The following TUBGCP2 variants were observed in gnomAD, a reference collection of about 807,000 sequenced individuals.
TUBGCP2 encodes tubulin gamma complex component 2.
A neutral mutation model predicts 92.2 loss-of-function variants in TUBGCP2; 55 were observed. The observed-to-expected ratio is 0.60, with a 90% confidence interval of 0.48 to 0.75. The LOEUF is 0.75. Ranked by LOEUF, TUBGCP2 falls within the 30% of genes least tolerant of loss-of-function variation. TUBGCP2 has a pLI of 0.00. For synonymous variants in TUBGCP2, 533 were observed against 505.2 expected, an observed-to-expected ratio of 1.06 and a Z score of -0.74; for missense variants, 1,093 against 1,188.9, an observed-to-expected ratio of 0.92 and a Z score of 1.19.
upstream of TUBGCP2, chr10:133,311,734 C>T: frequency 6.2e-7 from 1 of 1,613,518 alleles, no homozygotes. Flanking sequence ...CAGCAGAAGC[C>T]CCAGGGGACA....
upstream of TUBGCP2, among the ~76,000 whole-genome samples, chr10:133,311,189 G>A (rs1847981702): frequency 6.6e-6 from 1 of 152,134 alleles, no homozygotes; most frequent in South Asian, 2.1e-4. Flanking sequence ...ATTGATCAGA[G>A]TTTTTCAGAC....
chr10:133,279,830 G>C lies in TUBGCP2; in HGVS notation c.2645C>G (p.Pro882Arg), dbSNP rs1325595983. ...LSAERSQKATPQVPVLRGPPA... is the reference protein window; with the variant it reads ...LSAERSQKATRQVPVLRGPPA... ...GGGCCCCCGCAGGACAGGCACTTGG[G>C]GGGTGGCCTTCTGGCTCCTCTCTGC... Residue 882 changes from proline (P) to arginine (R), a missense_variant, in exon 18 of 18, where the codon CCC becomes CGC. By Grantham distance (103) the Pro-to-Arg change is moderately radical. Coordinates refer to ENST00000252936, the MANE Select transcript of TUBGCP2 (RefSeq NM_006659.4). 3.1e-6 allele frequency: 5 copies of C among 1,595,694 alleles called. No individual in the cohort carries two copies. The African/African-American group carries it at 4.0e-5, about 13-fold the overall frequency.
At chr10:133,303,043 A>T in intron 1 of TUBGCP2, 63 bp from the exon 2 acceptor site, 1 of 1,462,234 alleles carries the variant, frequency 6.8e-7, no homozygotes, top group Non-Finnish European at 9.4e-7. Flanking sequence ...CATTTTTTTA[A>T]ACACTCAAGA....
intron 1 of TUBGCP2, among the ~76,000 whole-genome samples, chr10:133,306,563 G>A (rs952465656): frequency 4.6e-5 from 7 of 152,122 alleles, no homozygotes; most frequent in Admixed American, 2.0e-4. Context: ...CAAGGTGGGC[G>A]GATCATGAGG....
At chr10:133,292,766 T>C (rs1160198269) in intron 7 of TUBGCP2, 78 bp from the exon 8 acceptor site, 4 of 1,489,046 alleles carry the variant, frequency 2.7e-6, no homozygotes, top group Non-Finnish European at 3.6e-6. Context: ...CTGGGGCCCC[T>C]CATGCTTCTC....
At chr10:133,308,465 G>A (rs576129586) in intron 1 of TUBGCP2, 3 of 152,936 alleles carry the variant, frequency 2.0e-5, no homozygotes, top group South Asian at 2.1e-4. Flanking sequence ...TGGTTTAGAG[G>A]GAACAAGATC....
chr10:133,309,159 G>A, upstream of TUBGCP2: 1 of 1,374,552 alleles, frequency 7.3e-7, no homozygotes, highest in Non-Finnish European at 9.4e-7. Flanking sequence ...GCGGCGAGGC[G>A]GGGCCGGAGC....
chr10:133,302,769 G>C (rs760636376), intron 2 of TUBGCP2, 23 bp downstream of exon 2: 6 of 1,611,678 alleles, frequency 3.7e-6, no homozygotes, highest in Admixed American at 1.7e-5. Context: ...CCTGCACAGC[G>C]CTACACCAAG....
chr10:133,298,182 C>T (rs903436806), intron 4 of TUBGCP2, 71 bp from the exon 5 acceptor site: 4 of 1,507,400 alleles, frequency 2.7e-6, no homozygotes, highest in African/African-American at 1.4e-5. Context: ...TAAAGACATG[C>T]ATAGAAGCTA....
Position 133,304,268 on chromosome 10 carries a change from C to T in TUBGCP2, c.-39-1288G>A, listed in dbSNP as rs140632589. On this transcript the variant is annotated intron_variant, in intron 1 of 17. Coordinates refer to ENST00000252936, the MANE Select transcript of TUBGCP2 (RefSeq NM_006659.4). ...ATCGCTTGAGCCACTCCAGCCTGGG[C>T]GACAGAGGGAGACCCTGTCTCAACA... 3.4e-3 allele frequency among the ~76,000 whole-genome samples: 519 copies of T among 152,142 alleles called. 3 individuals are homozygous for T. Among genetic ancestry groups the T allele is most frequent in the African/African-American group, 0.012 (491 of 41,508 alleles).
intron 2 of TUBGCP2, 129 bp from the exon 3 acceptor site, chr10:133,300,242 G>T: frequency 9.0e-7 from 1 of 1,115,072 alleles, no homozygotes; most frequent in Non-Finnish European, 1.3e-6. Context: ...TTATCCCTCT[G>T]AAATAAACTA....
chr10:133,282,762 C>T (rs1318755950), intron 15 of TUBGCP2, among the ~76,000 whole-genome samples: 3 of 152,160 alleles, frequency 2.0e-5, no homozygotes, highest in East Asian at 3.8e-4. Context: ...AGGTCCTTAA[C>T]GGAATCAAAT....
rs761048170 is a variant in TUBGCP2, at chr10:133,288,205, G to A, written c.1646C>T (p.Pro549Leu). 2 of 1,613,908 alleles carry A rather than the reference G, an allele frequency of 1.2e-6. No homozygotes were observed. The highest frequency in any genetic ancestry group is 1.7e-6 in the Non-Finnish European group (2 of 1,179,956). Residue 549 changes from proline (P) to leucine (L), a missense_variant, in exon 11 of 18, where the codon CCT becomes CTT. Pro to Leu is a moderately conservative substitution (Grantham distance 98). Around this residue, in one of 3 missense-constraint regions of TUBGCP2, gnomAD observed 598 missense variants for 675.5 expected, o/e 0.89. Coordinates refer to ENST00000252936, the MANE Select transcript of TUBGCP2 (RefSeq NM_006659.4). Reference protein sequence around the residue: ...LRKPVEDITPPRLEALLELAL... With the variant: ...LRKPVEDITPLRLEALLELAL... Reference sequence around the variant, plus strand: ...CAGCTCCAGGAGCGCTTCCAGGCGAGGGGGCGTGATGTCCTCCACCGGCTT... The same window carrying A: ...CAGCTCCAGGAGCGCTTCCAGGCGAAGGGGCGTGATGTCCTCCACCGGCTT...
intron 6 of TUBGCP2, 102 bp from the exon 7 acceptor site, chr10:133,293,340 T>C (rs1212015329): frequency 5.7e-6 from 8 of 1,399,292 alleles, no homozygotes; most frequent in East Asian, 2.3e-5. Flanking sequence ...AATGACTCAC[T>C]TGAACCCCAC....
In TUBGCP2 at chr10:133,285,192, C is replaced by T. The variant is rs1314316768; in HGVS notation, c.1917G>A (p.Gln639=). ...AGTAGAACATGTGCCTGAAGAGCATCTGGTAGCGAGTGAGGGCTTTCCTGC... is the reference window on the plus strand; with the variant it reads ...AGTAGAACATGTGCCTGAAGAGCATTTGGTAGCGAGTGAGGGCTTTCCTGC... ...IINRKALTRY[Q]MLFRHMFYCK... is the part of the protein sequence containing the mutation. Residue 639 remains glutamine (Q), a synonymous_variant, in exon 13 of 18, where the codon CAG becomes CAA. Transcript: ENST00000252936. The surrounding 1 kb of genome is among the most constrained non-coding windows in gnomAD (Gnocchi z 6.8). The T allele has an allele frequency of 6.2e-6, 10 of 1,612,962 alleles. No homozygotes were observed. The highest frequency in any genetic ancestry group is 1.3e-5 in the African/African-American group (1 of 74,946).
At chr10:133,300,136 A>C in intron 2 of TUBGCP2, 23 bp from the exon 3 acceptor site, 1 of 1,605,186 alleles carries the variant, frequency 6.2e-7, no homozygotes, top group Non-Finnish European at 8.5e-7. Flanking sequence ...AACATGAGTG[A>C]TTTAATGACG....
At chr10:133,286,730 C>A (rs1847143124) in intron 11 of TUBGCP2, among the ~76,000 whole-genome samples, 1 of 151,906 alleles carries the variant, frequency 6.6e-6, no homozygotes, top group South Asian at 2.1e-4. Context: ...TAGAAACAAG[C>A]AACAGAAGGA....
chr10:133,285,303 C>T lies in TUBGCP2; in HGVS notation c.1896-90G>A, dbSNP rs763800109. Reference sequence around the variant, plus strand: ...CTGTACTCCACAGTCCGCACCGTGGCCCCCGGACAGCCCGTGAATCTCTCG... The same window carrying T: ...CTGTACTCCACAGTCCGCACCGTGGTCCCCGGACAGCCCGTGAATCTCTCG... On this transcript the variant is annotated intron_variant, in intron 12 of 17. Coordinates refer to ENST00000252936, the MANE Select transcript of TUBGCP2 (RefSeq NM_006659.4). The surrounding 1 kb of genome is among the most constrained non-coding windows in gnomAD (Gnocchi z 6.8). 1.9e-6 allele frequency: 3 copies of T among 1,594,058 alleles called. No homozygotes were observed. The highest frequency in any genetic ancestry group is 1.7e-6 in the Non-Finnish European group (2 of 1,173,492).
chr10:133,299,624 G>A (rs2136134662), intron 3 of TUBGCP2, 21 bp from the exon 4 acceptor site: 2 of 1,584,848 alleles, frequency 1.3e-6, no homozygotes, highest in South Asian at 1.1e-5. Flanking sequence ...GTAAAACTGT[G>A]TGTTCACACT....
Sources: gnomAD v4.1 joint callset for allele counts (sites outside exome capture counted in the v4.1 genomes callset) on GRCh38, gnomAD v4.1.1 for gene constraint, gnomAD v4.1.1 regional missense constraint, Gnocchi (gnomAD v3.1) non-coding constraint, MANE v1.5 for transcripts, NCBI Gene and HGNC (gene_info 2026-07-23, HGNC 2026-07-21) for gene names.